Variants in DENND5B observed in about 807,000 individuals in gnomAD.
The protein encoded by DENND5B is DENN domain-containing protein 5B.
A neutral mutation model predicts 140.6 loss-of-function variants in DENND5B; 34 were observed. The observed-to-expected ratio is 0.24, with a 90% CI of 0.18 to 0.32. The LOEUF is 0.32. Among genes scored for constraint, DENND5B ranks in the 10% least tolerant of loss-of-function variants. The pLI is 1.00. For missense variants in DENND5B, 1,142 were observed against 1,560.2 expected, an observed-to-expected ratio of 0.73 and a Z score of 4.52; for synonymous variants, 551 against 562.1, an observed-to-expected ratio of 0.98 and a Z score of 0.28.
At chr12:31,402,433 A>T in intron 15 of DENND5B, 65 bp downstream of exon 15, 2 of 1,520,942 alleles carry the variant, frequency 1.3e-6, no homozygotes, top group Admixed American at 2.1e-5. Flanking sequence ...TGAAAAAGCC[A>T]GACAGAATCA....
At chr12:31,505,374 G>A (rs574690328) in intron 1 of DENND5B, among the ~76,000 whole-genome samples, 5 of 151,818 alleles carry the variant, frequency 3.3e-5, no homozygotes, top group Non-Finnish European at 5.9e-5. Flanking sequence ...AAGTAGCTGG[G>A]ACTACAGGTG....
Position 31,387,803 on chromosome 12 carries a change from A to G in DENND5B, c.3642-17T>C. ...AGGCGATCCCTACAGACCCAAACAG[A>G]AACAATTCCTGAGCATTGCTGGCCT... On this transcript the variant is annotated splice_polypyrimidine_tract_variant and intron_variant, in intron 20 of 20. Coordinates refer to ENST00000389082, the MANE Select transcript of DENND5B (RefSeq NM_144973.4). The G allele has an allele frequency of 6.2e-7, 1 of 1,607,804 alleles. No individual in the cohort carries two copies. Among genetic ancestry groups the G allele is most frequent in the Non-Finnish European group, 8.5e-7 (1 of 1,176,296 alleles).
intron 1 of DENND5B, among the ~76,000 whole-genome samples, chr12:31,573,646 T>A (rs1050269666): frequency 6.6e-6 from 1 of 152,248 alleles, no homozygotes; most frequent in East Asian, 1.9e-4. Flanking sequence ...GAGACTCTTA[T>A]AATGACTCCA....
chr12:31,503,204 G>A (rs1231530001), intron 1 of DENND5B, among the ~76,000 whole-genome samples: 2 of 152,178 alleles, frequency 1.3e-5, no homozygotes, highest in Non-Finnish European at 2.9e-5. Context: ...GAGGAGGAGA[G>A]AGGGGAATTA....
intron 7 of DENND5B, 98 bp downstream of exon 7, chr12:31,442,677 T>C: frequency 7.9e-7 from 1 of 1,273,212 alleles, no homozygotes. Context: ...AGTAATCAGA[T>C]AGATGTTTAA....
chr12:31,410,243 A>G (rs1942380842), intron 13 of DENND5B, among the ~76,000 whole-genome samples: 3 of 152,154 alleles, frequency 2.0e-5, no homozygotes, highest in African/African-American at 7.2e-5. Flanking sequence ...TGACTCATCA[A>G]TTTTACTTTT....
At chr12:31,577,185 C>T (rs986489522) in intron 1 of DENND5B, among the ~76,000 whole-genome samples, 3 of 152,122 alleles carry the variant, frequency 2.0e-5, no homozygotes, top group African/African-American at 7.2e-5. Context: ...ATCACTTCTA[C>T]ATTGATGTTT....
At chr12:31,390,657 T>C (rs1941087496) in intron 19 of DENND5B, among the ~76,000 whole-genome samples, 1 of 150,970 alleles carries the variant, frequency 6.6e-6, no homozygotes, top group Admixed American at 6.6e-5. Context: ...AAAAATTAAA[T>C]AGATTTAAAT....
intron 3 of DENND5B, among the ~76,000 whole-genome samples, chr12:31,466,595 A>G (rs1372103640): frequency 6.6e-6 from 1 of 152,180 alleles, no homozygotes; most frequent in African/African-American, 2.4e-5. Context: ...CAGGAGGCTG[A>G]GACAGGAGAA....
At chr12:31,439,398 C>T (rs538912966) in intron 7 of DENND5B, among the ~76,000 whole-genome samples, 12 of 152,254 alleles carry the variant, frequency 7.9e-5, no homozygotes, top group African/African-American at 2.6e-4. Flanking sequence ...TTAAACTCCT[C>T]CCTCCTAAGC....
intron 2 of DENND5B, among the ~76,000 whole-genome samples, chr12:31,484,464 A>C (rs765940277): frequency 1.3e-5 from 2 of 151,780 alleles, no homozygotes; most frequent in East Asian, 1.9e-4. Context: ...AGGTGGAAAA[A>C]CTCGGTAAGT....
intron 14 of DENND5B, among the ~76,000 whole-genome samples, chr12:31,405,021 A>G (rs1942042711): frequency 6.6e-6 from 1 of 151,916 alleles, no homozygotes; most frequent in Admixed American, 6.6e-5. Flanking sequence ...CGGCCTCCCA[A>G]AGTGCTGGGA....
intron 1 of DENND5B, among the ~76,000 whole-genome samples, chr12:31,529,721 A>T (rs1310523539): frequency 6.6e-6 from 1 of 151,748 alleles, no homozygotes; most frequent in Non-Finnish European, 1.5e-5. Flanking sequence ...AATAAATAAA[A>T]ATTTAAAAAT....
intron 7 of DENND5B, among the ~76,000 whole-genome samples, chr12:31,433,898 A>G (rs1004555139): frequency 1.3e-5 from 2 of 152,136 alleles, no homozygotes; most frequent in Non-Finnish European, 2.9e-5. Context: ...GGGAGGCTGA[A>G]GTGGGAAGAT....
At chr12:31,532,618 G>A (rs1042289994) in intron 1 of DENND5B, among the ~76,000 whole-genome samples, 27 of 152,158 alleles carry the variant, frequency 1.8e-4, no homozygotes, top group Non-Finnish European at 4.4e-5. Flanking sequence ...ATAGAGAGAA[G>A]CAGGTAGATT....
At chr12:31,445,696 C>G (rs1337794265) in intron 6 of DENND5B, among the ~76,000 whole-genome samples, 6 of 108,432 alleles carry the variant, frequency 5.5e-5, no homozygotes, top group Non-Finnish European at 9.2e-5. Context: ...CAGCGAGATT[C>G]TGTTTCAAAA....
At chr12:31,442,946 A>T in intron 6 of DENND5B, 21 bp from the exon 7 acceptor site, 2 of 1,543,478 alleles carry the variant, frequency 1.3e-6, no homozygotes, top group Non-Finnish European at 1.7e-6. Context: ...AATTTATAAT[A>T]AATTAGAGAC....
intron 4 of DENND5B, among the ~76,000 whole-genome samples, chr12:31,452,717 C>T (rs1944590915): frequency 6.6e-6 from 1 of 152,036 alleles, no homozygotes. Context: ...ATTATGGTGC[C>T]TTTTATGTTA....
At chr12:31,407,113 TA>T (rs1565548934) in intron 14 of DENND5B, among the ~76,000 whole-genome samples, 4 of 151,550 alleles carry the variant, frequency 2.6e-5, no homozygotes, top group East Asian at 1.9e-4. Flanking sequence ...TCGATTTAAT[TA>T]AATTAATTAA....
Sources: gnomAD v4.1 joint callset for allele counts (sites outside exome capture counted in the v4.1 genomes callset) on GRCh38, gnomAD v4.1.1 for gene constraint, MANE v1.5 for transcripts, NCBI Gene and HGNC (gene_info 2026-07-23, HGNC 2026-07-21) for gene names.